Variants in MIPOL1 observed in about 807,000 individuals in gnomAD.
The protein encoded by MIPOL1 is mirror-image polydactyly gene 1 protein.
In MIPOL1, 57 loss-of-function variants were observed where a neutral mutation model predicts 60.9. The observed-to-expected ratio is 0.94, with a 90% CI of 0.76 to 1.17. MIPOL1 has a LOEUF of 1.17. Ranked by LOEUF, MIPOL1 falls within the 50% of genes most tolerant of loss-of-function variation. MIPOL1 has a pLI of 0.00. For missense variants in MIPOL1, 551 were observed against 511.6 expected (o/e 1.08, Z -0.74); for synonymous variants, 179 against 168.8 (o/e 1.06, Z -0.47).
intron 9 of MIPOL1, among the ~76,000 whole-genome samples, chr14:37,360,748 T>C (rs953326045): frequency 6.6e-6 from 1 of 152,232 alleles, no homozygotes; most frequent in Non-Finnish European, 1.5e-5. Flanking sequence ...ATCAATTTTG[T>C]TGATCTTTTC....
chr14:37,246,102 T>A, intron 1 of MIPOL1, among the ~76,000 whole-genome samples: 1 of 152,134 alleles, frequency 6.6e-6, no homozygotes, highest in East Asian at 1.9e-4. Context: ...TTATTTAAAG[T>A]CATAACAGTA....
At chr14:37,246,198 G>A (rs1047268345) in intron 1 of MIPOL1, among the ~76,000 whole-genome samples, 2 of 151,932 alleles carry the variant, frequency 1.3e-5, no homozygotes, top group Admixed American at 6.6e-5. Flanking sequence ...GCCAAGTTAC[G>A]CTTTGCCATT....
chr14:37,341,654 A>G (rs2090583691), intron 9 of MIPOL1, among the ~76,000 whole-genome samples: 1 of 152,146 alleles, frequency 6.6e-6, no homozygotes, highest in African/African-American at 2.4e-5. Flanking sequence ...TGTGTTGCCC[A>G]AGCTGGTTTT....
chr14:37,475,947 A>G (rs2094766742), intron 11 of MIPOL1, among the ~76,000 whole-genome samples: 2 of 152,172 alleles, frequency 1.3e-5, no homozygotes, highest in South Asian at 2.1e-4. Context: ...CAGTTTGTCA[A>G]TACAAAATAA....
At chr14:37,291,135 C>T (rs1448261135) in intron 7 of MIPOL1, among the ~76,000 whole-genome samples, 1 of 152,040 alleles carries the variant, frequency 6.6e-6, no homozygotes, top group Non-Finnish European at 1.5e-5. Flanking sequence ...CTATGTTGCC[C>T]AGGCTGGTCT....
intron 1 of MIPOL1, chr14:37,227,800 G>A (rs1251372585): frequency 6.6e-6 from 1 of 152,198 alleles, no homozygotes; most frequent in African/African-American, 2.4e-5. Flanking sequence ...TGTTGTGGGA[G>A]AAGAGAAGGC....
At chr14:37,454,323 T>A (rs552196391) in intron 11 of MIPOL1, among the ~76,000 whole-genome samples, 1 of 152,290 alleles carries the variant, frequency 6.6e-6, no homozygotes, top group Admixed American at 6.5e-5. Flanking sequence ...TTGATGTGGA[T>A]CTTCTAACCC....
chr14:37,314,076 A>C (rs930120825), intron 9 of MIPOL1, among the ~76,000 whole-genome samples: 1 of 152,008 alleles, frequency 6.6e-6, no homozygotes, highest in African/African-American at 2.4e-5. Context: ...TATATATCTA[A>C]ATTTATTATC....
In MIPOL1 at chr14:37,285,404, G is replaced by T; in HGVS notation, c.580G>T (p.Glu194Ter). ...RLQLAIEERD[E>*]AIARAKHMEM... is the part of the protein sequence containing the mutation. ...GCAATTAGCCATTGAGGAGAGAGAT[G>T]AAGCAATTGCACGAGCCAAGCATAT... The change falls in exon 7 of 13, where the codon GAA becomes TAA. Residue 194 changes from glutamate (E) to a stop codon, truncating the protein, a stop_gained. Coordinates refer to ENST00000684589, the MANE Select transcript of MIPOL1 (RefSeq NM_001388067.1). LOFTEE classifies it high-confidence loss of function. The T allele has an allele frequency of 1.2e-6, 2 of 1,613,986 alleles. No homozygotes were observed. The highest frequency in any genetic ancestry group is 1.7e-6 in the Non-Finnish European group (2 of 1,179,952).
At chr14:37,421,939 A>G (rs1475698168) in intron 10 of MIPOL1, among the ~76,000 whole-genome samples, 1 of 152,030 alleles carries the variant, frequency 6.6e-6, no homozygotes, top group Non-Finnish European at 1.5e-5. Context: ...GTGGTGTCCT[A>G]CTTTGTGAGG....
intron 6 of MIPOL1, among the ~76,000 whole-genome samples, chr14:37,274,734 A>G (rs1042757528): frequency 1.3e-5 from 2 of 151,330 alleles, no homozygotes; most frequent in African/African-American, 4.8e-5. Context: ...AAAATCTACT[A>G]TAGGTTGTTG....
At chr14:37,526,445 C>T (rs1255332397) in intron 12 of MIPOL1, among the ~76,000 whole-genome samples, 1 of 150,480 alleles carries the variant, frequency 6.6e-6, no homozygotes, top group Non-Finnish European at 1.5e-5. Context: ...TCTCGGCTCA[C>T]TGCAAGCTCC....
At chr14:37,367,368 A>G (rs139883055) in intron 9 of MIPOL1, among the ~76,000 whole-genome samples, 15 of 152,208 alleles carry the variant, frequency 9.9e-5, no homozygotes, top group African/African-American at 3.4e-4. Context: ...TATGCTACAA[A>G]TATTTATTTT....
rs550584905 is a variant in MIPOL1 at position 37,315,371 on chromosome 14, A to C, written c.828+6852A>C. ...TGATAAGGCAGAAGACATAGGCAGC[A>C]GACAAGTCTGTATGATCTTGGAGGT... On this transcript the variant is annotated intron_variant, in intron 9 of 12. Transcript: ENST00000684589. 4.6e-5 allele frequency among the ~76,000 whole-genome samples: 7 copies of C among 152,358 alleles called. No homozygotes were observed. In the South Asian group the frequency reaches 8.3e-4, roughly 18 times the overall value.
chr14:37,461,402 C>G (rs570532507), intron 11 of MIPOL1, among the ~76,000 whole-genome samples: 3 of 152,132 alleles, frequency 2.0e-5, no homozygotes, highest in African/African-American at 7.2e-5. Context: ...CAGGAAAGAC[C>G]CTCCCCTATA....
At chr14:37,363,171 C>T (rs1343099634) in intron 9 of MIPOL1, among the ~76,000 whole-genome samples, 1 of 152,126 alleles carries the variant, frequency 6.6e-6, no homozygotes, top group East Asian at 1.9e-4. Flanking sequence ...GAGCTGCGAT[C>T]CTTTGGAGAA....
intron 6 of MIPOL1, among the ~76,000 whole-genome samples, chr14:37,275,398 G>A (rs1404748646): frequency 6.6e-6 from 1 of 151,156 alleles, no homozygotes; most frequent in Non-Finnish European, 1.5e-5. Context: ...CCTAAAAAAA[G>A]TCATTAAAAC....
chr14:37,262,125 T>C (rs2082554007), intron 3 of MIPOL1, among the ~76,000 whole-genome samples: 1 of 152,024 alleles, frequency 6.6e-6, no homozygotes, highest in Non-Finnish European at 1.5e-5. Context: ...TGTGGAAAGC[T>C]AACCCTCTAT....
chr14:37,394,129 G>T (rs1299441823), intron 10 of MIPOL1, among the ~76,000 whole-genome samples: 1 of 129,118 alleles, frequency 7.7e-6, no homozygotes, highest in African/African-American at 2.9e-5. Context: ...TTGTTTATCC[G>T]CTCATTGATT....
Sources: allele counts gnomAD v4.1 joint callset (sites outside exome capture counted in the v4.1 genomes callset), GRCh38; gene constraint gnomAD v4.1.1; transcripts MANE v1.5; gene names NCBI Gene and HGNC (gene_info 2026-07-23, HGNC 2026-07-21).